Variants in LY96 observed in about 807,000 individuals in gnomAD.
LY96 encodes the protein myeloid differentiation protein-2.
In LY96, 18 loss-of-function variants were observed where a neutral mutation model predicts 18.9. The observed-to-expected ratio is 0.95, with a 90% CI of 0.66 to 1.41. LY96 has a LOEUF of 1.41. Among genes scored for constraint, LY96 ranks in the 40% most tolerant of loss-of-function variants. LY96 has a pLI of 0.00. For missense variants in LY96, 175 were observed against 182.4 expected (o/e 0.96, Z 0.23); for synonymous variants, 66 against 62.6 (o/e 1.06, Z -0.26).
At chr8:74,059,547 C>T in the LY96 span, among the ~76,000 whole-genome samples, 3 of 152,122 alleles carry the variant, frequency 2.0e-5, no homozygotes, top group Non-Finnish European at 2.9e-5. Context: ...TCCATATACC[C>T]GTTGGAAAAG....
chr8:74,075,355 C>T, the LY96 span, among the ~76,000 whole-genome samples: 1 of 152,198 alleles, frequency 6.6e-6, no homozygotes, highest in South Asian at 2.1e-4. Context: ...ACTGCAGCCT[C>T]GACCTTCTGG....
At chr8:74,031,614 G>A (rs577967497), downstream of LY96, among the ~76,000 whole-genome samples, 5 of 147,990 alleles carry the variant, frequency 3.4e-5, no homozygotes, top group Admixed American at 6.7e-5. Context: ...CAGCCTGGGC[G>A]ACAGAGTGAG....
the LY96 span, among the ~76,000 whole-genome samples, chr8:74,096,868 A>G: frequency 6.6e-6 from 1 of 152,120 alleles, no homozygotes; most frequent in African/African-American, 2.4e-5. Flanking sequence ...GGGAGACCTC[A>G]CTTCCTAAAG....
chr8:73,992,157 AT>A lies in LY96; in HGVS notation c.112+612del, dbSNP rs889910750. On this transcript the variant is annotated intron_variant, in intron 1 of 4. Transcript: ENST00000284818. The stretch of plus-strand genomic sequence containing the variant: ...TCACATAGAGACAATAATACTCTTA[AT>A]TTTTTTTTGGAGTCAGCCATACCCT... Among the ~76,000 whole-genome samples the A allele has an allele frequency of 7.7e-4, 116 of 151,548 alleles. 2 individuals are homozygous for A. The highest frequency in any genetic ancestry group is 2.6e-3 in the African/African-American group (109 of 41,302).
chr8:74,074,365 TTG>T, the LY96 span, among the ~76,000 whole-genome samples: 35 of 152,344 alleles, frequency 2.3e-4, no homozygotes, highest in African/African-American at 8.4e-4. Context: ...TTTAATTATT[TTG>T]TGTCATAAAT....
At chr8:74,044,806 G>A in the LY96 span, among the ~76,000 whole-genome samples, 1 of 152,140 alleles carries the variant, frequency 6.6e-6, no homozygotes, top group Admixed American at 6.6e-5. Context: ...AAGAAAAATG[G>A]TTTCTGTCTC....
chr8:74,049,876 G>A, the LY96 span, among the ~76,000 whole-genome samples: 6 of 152,242 alleles, frequency 3.9e-5, no homozygotes, highest in South Asian at 2.1e-4. Flanking sequence ...GGTGGAGCCC[G>A]GCATCGTGGT....
chr8:74,022,072 TAAAAA>T, intron 3 of LY96, among the ~76,000 whole-genome samples: 1 of 148,038 alleles, frequency 6.8e-6, no homozygotes, highest in East Asian at 2.0e-4. Flanking sequence ...AAGTATAATT[TAAAAA>T]AAAAAGAAAA....
At chr8:74,037,797 G>A in the LY96 span, among the ~76,000 whole-genome samples, 1 of 152,136 alleles carries the variant, frequency 6.6e-6, no homozygotes, top group Non-Finnish European at 1.5e-5. Flanking sequence ...TTGCACCTGA[G>A]AGCATTCTAG....
chr8:74,025,708 A>G (rs957018925), intron 3 of LY96, among the ~76,000 whole-genome samples: 5 of 150,650 alleles, frequency 3.3e-5, no homozygotes, highest in Admixed American at 6.6e-5. Context: ...AAGAAAGAGC[A>G]AAAAGAAAAG....
At chr8:74,032,465 T>C (rs1586665150), downstream of LY96, among the ~76,000 whole-genome samples, 1 of 152,376 alleles carries the variant, frequency 6.6e-6, no homozygotes, top group South Asian at 2.1e-4. Flanking sequence ...TCCTGTTCTG[T>C]TCTGATTACC....
chr8:74,076,906 T>C, the LY96 span, among the ~76,000 whole-genome samples: 4,787 of 152,280 alleles, frequency 0.031, 232 homozygotes, highest in African/African-American at 0.11. Context: ...TCCTCAAGAC[T>C]GCCCCTACTT....
the LY96 span, among the ~76,000 whole-genome samples, chr8:74,039,754 T>G: frequency 3.1e-3 from 472 of 152,320 alleles, 1 homozygote; most frequent in African/African-American, 0.011. Flanking sequence ...CTTTCACTAT[T>G]TCTTCTACCG....
chr8:74,023,701 A>G (rs959936608), intron 3 of LY96, among the ~76,000 whole-genome samples: 1 of 152,048 alleles, frequency 6.6e-6, no homozygotes, highest in South Asian at 2.1e-4. Context: ...GGCTTGTGTT[A>G]GTTTCCTCTG....
the LY96 span, among the ~76,000 whole-genome samples, chr8:74,072,895 G>C: frequency 6.6e-6 from 1 of 152,260 alleles, no homozygotes; most frequent in East Asian, 1.9e-4. Flanking sequence ...GTCCAACCAG[G>C]GGAGCAGAAC....
At chr8:74,013,448 T>A (rs571386928) in intron 3 of LY96, among the ~76,000 whole-genome samples, 3 of 152,222 alleles carry the variant, frequency 2.0e-5, no homozygotes, top group African/African-American at 7.2e-5. Context: ...ATTTTAAATT[T>A]AATTTTATTT....
chr8:74,080,963 G>GCCTT, the LY96 span, among the ~76,000 whole-genome samples: 1 of 150,134 alleles, frequency 6.7e-6, no homozygotes, highest in East Asian at 2.0e-4. Flanking sequence ...ACTGTCTTGT[G>GCCTT]CCTTCTTTCT....
chr8:74,008,612 G>A (rs543004887), intron 2 of LY96, among the ~76,000 whole-genome samples: 5 of 151,954 alleles, frequency 3.3e-5, no homozygotes, highest in Non-Finnish European at 5.9e-5. Flanking sequence ...AGATTTACTG[G>A]GACTGGGAAT....
chr8:74,007,734 T>A (rs1474569725), intron 2 of LY96, among the ~76,000 whole-genome samples: 1 of 152,220 alleles, frequency 6.6e-6, no homozygotes, highest in Non-Finnish European at 1.5e-5. Flanking sequence ...AAAATAGTCC[T>A]CTTTTATACC....
Sources: gnomAD v4.1 joint callset for allele counts (sites outside exome capture counted in the v4.1 genomes callset) on GRCh38, gnomAD v4.1.1 for gene constraint, MANE v1.5 for transcripts, NCBI Gene and HGNC (gene_info 2026-07-23, HGNC 2026-07-21) for gene names.